The following ROBO2 variants were observed in gnomAD, a reference collection of about 807,000 sequenced individuals.
ROBO2 encodes the protein roundabout guidance receptor 2.
Under a neutral mutation model 160.8 loss-of-function variants are expected in ROBO2, and 53 were observed. That is an observed-to-expected ratio of 0.33 (90% CI 0.26 to 0.41). The LOEUF (loss-of-function observed/expected upper bound fraction) is 0.41, where lower values mean the gene tolerates loss of function less well. Among genes scored for constraint, ROBO2 ranks in the 10% least tolerant of loss-of-function variants. The pLI is 1.00. For missense variants in ROBO2, 1,577 were observed against 1,722.4 expected, an observed-to-expected ratio of 0.92 and a Z score of 1.49; for synonymous variants, 664 against 611.7, an observed-to-expected ratio of 1.09 and a Z score of -1.26.
chr3:77,524,838 G>T (rs541965998), intron 6 of ROBO2, among the ~76,000 whole-genome samples: 6 of 150,592 alleles, frequency 4.0e-5, no homozygotes, highest in Admixed American at 2.0e-4. Flanking sequence ...CCCCTAATCT[G>T]TATACTGTAG....
At position 76,849,749 on chromosome 3, in the gene ROBO2, C is replaced by T. The variant is rs564086023; in HGVS notation, c.110-248265C>T. On this transcript the variant is annotated intron_variant, in intron 2 of 26. Coordinates refer to the ROBO2 transcript ENST00000487694. ...TTATTAGAAGCAGGTAGTGGGCACT[C>T]TATTTATTGGTAAGAGTTGTAGGAG... is the stretch of plus-strand genomic sequence containing the variant. Among the ~76,000 whole-genome samples the T allele has an allele frequency of 3.9e-5, 6 of 152,228 alleles. No homozygotes were observed. The South Asian group carries it at 1.0e-3, about 26-fold the overall frequency.
At chr3:77,124,364 C>T (rs1226334054) in intron 2 of ROBO2, among the ~76,000 whole-genome samples, 3 of 152,058 alleles carry the variant, frequency 2.0e-5, no homozygotes, top group Middle Eastern at 3.4e-3. Flanking sequence ...GAAAGAGTAG[C>T]GTTTTTGGAC....
At chr3:76,033,228 G>C (rs2066987388) in intron 2 of ROBO2, among the ~76,000 whole-genome samples, 1 of 152,024 alleles carries the variant, frequency 6.6e-6, no homozygotes, top group Non-Finnish European at 1.5e-5. Flanking sequence ...AGCTTTCTAT[G>C]TATTTTCTAT....
At chr3:76,528,307 TGGTGGA>T (rs930972087) in intron 2 of ROBO2, among the ~76,000 whole-genome samples, 2 of 152,040 alleles carry the variant, frequency 1.3e-5, no homozygotes, top group African/African-American at 4.8e-5. Flanking sequence ...AGGCAAGAGC[TGGTGGA>T]GGTCACATTT....
rs144382896 is a variant in ROBO2, at chr3:77,365,706, T to G, written c.389-111708T>G. ...ACCGTTCACATAGCTGGTAACAAAG[T>G]GCATCATGAATTGTGAATCACTTTC... On this transcript the variant is annotated intron_variant, in intron 2 of 25. Transcript: ENST00000461745. Among the ~76,000 whole-genome samples the G allele has an allele frequency of 4.6e-3, 703 of 152,172 alleles. 12 individuals are homozygous for G. Among genetic ancestry groups the G allele is most frequent in the Non-Finnish European group, 3.9e-3 (267 of 68,018 alleles).
At chr3:76,291,568 G>A (rs909944454) in intron 2 of ROBO2, among the ~76,000 whole-genome samples, 2 of 151,944 alleles carry the variant, frequency 1.3e-5, no homozygotes, top group African/African-American at 2.4e-5. Context: ...TGCTAGTTTT[G>A]GGTTGGTTTG....
chr3:77,530,801 G>A (rs1245005894), intron 6 of ROBO2, among the ~76,000 whole-genome samples: 1 of 151,978 alleles, frequency 6.6e-6, no homozygotes, highest in Non-Finnish European at 1.5e-5. Context: ...TACATCGTAG[G>A]ATGTAGTTAA....
intron 2 of ROBO2, among the ~76,000 whole-genome samples, chr3:76,624,720 C>A (rs1309633448): frequency 1.5e-5 from 2 of 133,178 alleles, no homozygotes; most frequent in Non-Finnish European, 3.1e-5. Flanking sequence ...ATCGCTTGCA[C>A]CTGGGAGGCT....
chr3:76,653,968 G>T (rs1006758117), intron 2 of ROBO2, among the ~76,000 whole-genome samples: 3 of 152,056 alleles, frequency 2.0e-5, no homozygotes, highest in African/African-American at 7.2e-5. Flanking sequence ...ACTTTTAGAG[G>T]CAAGGCTTCC....
Position 76,893,537 on chromosome 3 carries a change from A to G in ROBO2, c.110-204477A>G, listed in dbSNP as rs369962660. Among the ~76,000 whole-genome samples, 48 of 151,858 alleles carry G rather than the reference A, an allele frequency of 3.2e-4. No homozygotes were observed. In the South Asian group the frequency reaches 9.8e-3, roughly 31 times the overall value. ...AGTTCATTTTTCTTTTTTCTTTTTT[A>G]TTGATGTATAACATATTACATATAT... On this transcript the variant is annotated intron_variant, in intron 2 of 26. Coordinates refer to the ROBO2 transcript ENST00000487694.
At chr3:77,550,721 C>G in intron 7 of ROBO2, 97 bp from the exon 9 acceptor site, 1 of 1,266,540 alleles carries the variant, frequency 7.9e-7, no homozygotes. Flanking sequence ...TGTGTATTTT[C>G]TTTTTCCCAC....
chr3:76,437,032 A>G (rs542993502), intron 2 of ROBO2, among the ~76,000 whole-genome samples: 1 of 152,344 alleles, frequency 6.6e-6, no homozygotes, highest in Non-Finnish European at 1.5e-5. Context: ...ACTTAATTCT[A>G]GCTCAAAACT....
chr3:76,276,312 A>C (rs993286249), intron 2 of ROBO2, among the ~76,000 whole-genome samples: 1 of 152,076 alleles, frequency 6.6e-6, no homozygotes, highest in Non-Finnish European at 1.5e-5. Context: ...AATATGATAG[A>C]TATTAGCCAC....
rs903918062 is a variant in ROBO2 at position 76,214,552 on chromosome 3, G to A, written c.109+276950G>A. ...GCTTGGAGGGTCCTAAGCCCATGGAGCCTCACTCATTGCTAGCACAGCAGT... is the reference window on the plus strand; with the variant it reads ...GCTTGGAGGGTCCTAAGCCCATGGAACCTCACTCATTGCTAGCACAGCAGT... On this transcript the variant is annotated intron_variant, in intron 2 of 26. Transcript: ENST00000487694. Among the ~76,000 whole-genome samples the A allele has an allele frequency of 1.2e-4, 18 of 152,294 alleles. No homozygotes were observed. The East Asian group carries it at 3.5e-3, about 29-fold the overall frequency.
chr3:76,617,302 G>C (rs1014094852), intron 2 of ROBO2, among the ~76,000 whole-genome samples: 2 of 151,510 alleles, frequency 1.3e-5, no homozygotes, highest in Non-Finnish European at 1.5e-5. Flanking sequence ...TATATATAAG[G>C]ATTATGACTT....
chr3:77,262,423 T>C (rs7640201), intron 2 of ROBO2, among the ~76,000 whole-genome samples: 12,513 of 152,240 alleles, frequency 0.082, 1,463 homozygotes, highest in African/African-American at 0.26. Flanking sequence ...CATGAAGTAC[T>C]CACAAATGAG....
chr3:76,739,559 TG>T (rs1307487556), intron 2 of ROBO2, among the ~76,000 whole-genome samples: 1 of 151,990 alleles, frequency 6.6e-6, no homozygotes, highest in African/African-American at 2.4e-5. Context: ...CACACCAGCA[TG>T]GCACATGTAT....
intron 1 of ROBO2, among the ~76,000 whole-genome samples, chr3:75,917,325 G>A (rs146063788): frequency 1.5e-3 from 231 of 152,214 alleles, no homozygotes; most frequent in African/African-American, 4.8e-3. Context: ...TGCTGAGGAT[G>A]ATGGTTCCAG....
intron 2 of ROBO2, among the ~76,000 whole-genome samples, chr3:76,027,898 G>A (rs2066796040): frequency 6.6e-6 from 1 of 151,848 alleles, no homozygotes; most frequent in Non-Finnish European, 1.5e-5. Context: ...GAATACTTTA[G>A]ACAGATGAGG....
Sources: gnomAD v4.1 joint callset for allele counts (sites outside exome capture counted in the v4.1 genomes callset) on GRCh38, gnomAD v4.1.1 for gene constraint, MANE v1.5 for transcripts, NCBI Gene and HGNC (gene_info 2026-07-23, HGNC 2026-07-21) for gene names.